Variants in ATP2B1 observed in about 807,000 individuals in gnomAD.
The protein encoded by ATP2B1 is plasma membrane calcium-transporting ATPase 1.
Under a neutral mutation model 124.2 loss-of-function variants are expected in ATP2B1, and 14 were observed. The ratio of observed to expected loss-of-function variants is 0.11; its 90% CI spans 0.07 to 0.18. The LOEUF (loss-of-function observed/expected upper bound fraction) is 0.18. Ranked by LOEUF, ATP2B1 falls within the 10% of genes least tolerant of loss-of-function variation. The probability of loss-of-function intolerance (pLI) is 1.00; values close to 1 mark genes in which losing one functional copy is unlikely to be tolerated. For synonymous variants in ATP2B1, 449 were observed against 492.4 expected, an observed-to-expected ratio of 0.91 and a Z score of 1.17; for missense variants, 763 against 1,466.1, an observed-to-expected ratio of 0.52 and a Z score of 7.83.
chr12:89,669,475 A>T (rs1887688910), intron 1 of ATP2B1, among the ~76,000 whole-genome samples: 1 of 152,126 alleles, frequency 6.6e-6, no homozygotes, highest in Admixed American at 6.6e-5. Flanking sequence ...AGCTTCTTAG[A>T]TTTCCTCCCA....
At chr12:89,673,658 T>C (rs1888260769) in intron 1 of ATP2B1, among the ~76,000 whole-genome samples, 1 of 152,222 alleles carries the variant, frequency 6.6e-6, no homozygotes, top group African/African-American at 2.4e-5. Context: ...CCAACATTTC[T>C]ACCTGATAGT....
chr12:89,707,855 C>G (rs1277050152), intron 1 of ATP2B1, among the ~76,000 whole-genome samples: 1 of 152,162 alleles, frequency 6.6e-6, no homozygotes, highest in Admixed American at 6.5e-5. Flanking sequence ...GAGAGCACAG[C>G]CCCCACCCCA....
At chr12:89,673,230 G>T (rs58959121) in intron 1 of ATP2B1, among the ~76,000 whole-genome samples, 2,300 of 152,266 alleles carry the variant, frequency 0.015, 53 homozygotes, top group African/African-American at 0.053. Flanking sequence ...TCATAGCCTT[G>T]CATATTTGTG....
chr12:89,659,357 A>AACACACACACAC (rs10648843), intron 1 of ATP2B1, among the ~76,000 whole-genome samples: 19 of 149,338 alleles, frequency 1.3e-4, no homozygotes, highest in South Asian at 8.6e-4. Context: ...GGTATTACAA[A>AACACACACACAC]ACACACACAC....
chr12:89,651,288 T>C (rs1885217693), intron 2 of ATP2B1, among the ~76,000 whole-genome samples: 1 of 152,222 alleles, frequency 6.6e-6, no homozygotes, highest in Admixed American at 6.5e-5. Context: ...CTTTTTGTTC[T>C]TGAGACAGGG....
chr12:89,638,745 A>G (rs1883067655), intron 3 of ATP2B1, among the ~76,000 whole-genome samples: 1 of 152,214 alleles, frequency 6.6e-6, no homozygotes, highest in African/African-American at 2.4e-5. Flanking sequence ...AAAACTGCAT[A>G]TAGTTAGGAT....
At chr12:89,644,918 C>T (rs984117358) in intron 2 of ATP2B1, among the ~76,000 whole-genome samples, 6 of 152,278 alleles carry the variant, frequency 3.9e-5, no homozygotes, top group East Asian at 1.9e-4. Flanking sequence ...AGCTTTAAAA[C>T]GTATCTTGGA....
chr12:89,662,100 C>A (rs1289528367), intron 1 of ATP2B1, among the ~76,000 whole-genome samples: 1 of 151,574 alleles, frequency 6.6e-6, no homozygotes, highest in African/African-American at 2.4e-5. Flanking sequence ...CATCTTTGAT[C>A]TCCATATCTT....
intron 5 of ATP2B1, among the ~76,000 whole-genome samples, chr12:89,634,029 T>C (rs919383421): frequency 4.6e-5 from 7 of 152,142 alleles, no homozygotes; most frequent in Admixed American, 2.0e-4. Flanking sequence ...GGAAGCGAAC[T>C]TGTAATTTTT....
chr12:89,617,577 CACT>C (rs1165484838), intron 11 of ATP2B1, among the ~76,000 whole-genome samples: 1 of 152,168 alleles, frequency 6.6e-6, no homozygotes, highest in Non-Finnish European at 1.5e-5. Context: ...TTTTCAGTGA[CACT>C]ACTACCTTTT....
chr12:89,612,458 C>A (rs1298878653), intron 12 of ATP2B1, among the ~76,000 whole-genome samples: 1 of 151,656 alleles, frequency 6.6e-6, no homozygotes, highest in Admixed American at 6.6e-5. Flanking sequence ...GAGACAAATG[C>A]CTAATGAAAG....
At chr12:89,598,122 C>T (rs1875057633) in intron 20 of ATP2B1, among the ~76,000 whole-genome samples, 3 of 142,648 alleles carry the variant, frequency 2.1e-5, no homozygotes, top group South Asian at 2.3e-4. Flanking sequence ...ATACTGAAAA[C>T]TTGTCTTCAG....
At chr12:89,702,850 TAACTAAA>T (rs1892013075) in intron 1 of ATP2B1, among the ~76,000 whole-genome samples, 1 of 152,166 alleles carries the variant, frequency 6.6e-6, no homozygotes, top group Admixed American at 6.5e-5. Context: ...AATATTCTTA[TAACTAAA>T]AACACCACAT....
chr12:89,706,028 C>T (rs1291757937), intron 1 of ATP2B1, among the ~76,000 whole-genome samples: 3 of 152,092 alleles, frequency 2.0e-5, no homozygotes, highest in Non-Finnish European at 4.4e-5. Flanking sequence ...AAAAAGGAGG[C>T]TGTGCCTAAA....
chr12:89,666,300 ACT>A (rs1182142059), intron 1 of ATP2B1, among the ~76,000 whole-genome samples: 1 of 152,072 alleles, frequency 6.6e-6, no homozygotes, highest in Admixed American at 6.5e-5. Flanking sequence ...GATCCTTCAA[ACT>A]CTCTGGTTTC....
chr12:89,681,826 G>T (rs971257827), intron 1 of ATP2B1, among the ~76,000 whole-genome samples: 2 of 151,924 alleles, frequency 1.3e-5, no homozygotes, highest in African/African-American at 2.4e-5. Context: ...TTAATTAATG[G>T]GGAAAACTAG....
In ATP2B1 at chr12:89,646,132, G is replaced by A. The variant is rs58202713; in HGVS notation, c.209-3777C>T. 3.1e-3 allele frequency among the ~76,000 whole-genome samples: 467 copies of A among 152,134 alleles called. 2 individuals carry two copies. The highest frequency in any genetic ancestry group is 0.01 in the African/African-American group (426 of 41,504). ...GGGAGGGGTCTTCAAGCACTTAAGT[G>A]GGTGGATGGTAGTCATATTCCAAGA... On this transcript the variant is annotated intron_variant, in intron 2 of 20. Transcript: ENST00000428670.
At chr12:89,608,156 A>C (rs1352234906) in intron 15 of ATP2B1, among the ~76,000 whole-genome samples, 3 of 152,070 alleles carry the variant, frequency 2.0e-5, no homozygotes, top group Non-Finnish European at 4.4e-5. Flanking sequence ...CAGTTTCTCT[A>C]TGTTTTTAAA....
intron 3 of ATP2B1, among the ~76,000 whole-genome samples, chr12:89,635,530 GTTA>G (rs1383539634): frequency 6.6e-6 from 1 of 152,106 alleles, no homozygotes. Flanking sequence ...CCTAAGGCAA[GTTA>G]CTTAATTTTT....
Sources: gnomAD v4.1 joint callset for allele counts (sites outside exome capture counted in the v4.1 genomes callset) on GRCh38, gnomAD v4.1.1 for gene constraint, MANE v1.5 for transcripts, NCBI Gene and HGNC (gene_info 2026-07-23, HGNC 2026-07-21) for gene names.